ZNF160: variants seen among roughly 807,000 people sequenced by gnomAD.
The protein encoded by ZNF160 is zinc finger protein 160.
ZNF160 carries 9 observed loss-of-function variants against 13.1 expected under a neutral mutation model. That is an observed-to-expected ratio of 0.69 (90% CI 0.41 to 1.20). The LOEUF is 1.20. ZNF160 is among the 50% of genes most tolerant of loss of function. The pLI, the probability that ZNF160 is intolerant of heterozygous loss-of-function variation, is 0.01. For synonymous variants in ZNF160, 293 were observed against 333.2 expected (o/e 0.88, Z 1.31); for missense variants, 838 against 988.0 (o/e 0.85, Z 2.04).
intron 1 of ZNF160, among the ~76,000 whole-genome samples, chr19:53,102,914 G>A (rs1021797724): frequency 6.6e-6 from 1 of 152,132 alleles, no homozygotes; most frequent in Non-Finnish European, 1.5e-5. Flanking sequence ...CGAGGAGGAG[G>A]GAGGTGGGGG....
chr19:53,074,918 C>G, intron 4 of ZNF160, 139 bp downstream of exon 4: 1 of 1,141,158 alleles, frequency 8.8e-7, no homozygotes, highest in South Asian at 1.4e-5. Context: ...CCAGGTTTCC[C>G]ATGATTAAGC....
Position 53,069,852 on chromosome 19 carries a change from G to A in ZNF160, c.682C>T (p.Gln228Ter). The A allele has an allele frequency of 6.2e-7, 1 of 1,614,060 alleles. No homozygotes were observed. The highest frequency in any genetic ancestry group is 1.1e-5 in the South Asian group (1 of 91,066). Residue 228 changes from glutamine (Q) to a stop codon, truncating the protein, a stop_gained, in exon 6 of 6, where the codon CAA becomes TAA. Transcript: ENST00000683776. LOFTEE classifies it low-confidence loss of function (END_TRUNC). The surrounding 1 kb of genome is among the most constrained non-coding windows in gnomAD (Gnocchi z 4.4). ...SPLQQIPSSV[Q>*]THRSKKYHEL... ...TGATATTTTTTAGACCTGTGGGTTT[G>A]GACACTAGAAGGAATTTGTTGAAGT...
In ZNF160 at chr19:53,068,532, T is replaced by A. The variant is rs774094522; in HGVS notation, c.2002A>T (p.Lys668Ter). Residue 668 changes from lysine to a stop codon, truncating the protein, a stop_gained, in exon 6 of 6, where the codon AAG (lysine) becomes TAG (stop). Transcript: ENST00000683776. LOFTEE classifies it low-confidence loss of function (END_TRUNC). Reference protein sequence around the residue: ...FSMHSNLTTHKVIHTGEKPYK... With the variant: ...FSMHSNLTTH ...GGCTTCTCTCCAGTATGGATGACCT[T>A]ATGGGTAGTTAGGTTTGAATGCATA... 6.2e-7 allele frequency: 1 copy of A among 1,613,590 alleles called. No homozygotes were observed. Among genetic ancestry groups the A allele is most frequent in the African/African-American group, 1.3e-5 (1 of 74,898 alleles).
chr19:53,067,694 T>C lies in ZNF160; in HGVS notation c.*383A>G, dbSNP rs908292049. On this transcript the variant is annotated 3_prime_UTR_variant, in exon 6 of 6. Transcript: ENST00000683776. ...TCCTGCAACCTTTTCGTATGTGAGT[T>C]AAAAATATATAATTTTTAGCATATT... 6.0e-6 allele frequency: 1 copy of C among 166,456 alleles called. No individual in the cohort carries two copies. The highest frequency in any genetic ancestry group is 2.4e-5 in the African/African-American group (1 of 41,974). The allele number at this position is 166,456 out of a possible 1,614,324, so 10.3% of individuals were successfully genotyped here. A position where few individuals can be genotyped will look rare whatever the true frequency, so the allele number is the denominator to read the frequency against.
intron 1 of ZNF160, among the ~76,000 whole-genome samples, chr19:53,098,131 CA>C (rs1260703892): frequency 1.3e-5 from 2 of 152,196 alleles, no homozygotes; most frequent in Non-Finnish European, 2.9e-5. Context: ...AATGATCCTG[CA>C]GCCCCACAAC....
chr19:53,071,319 G>A (rs1340982419), intron 5 of ZNF160, among the ~76,000 whole-genome samples: 1 of 152,096 alleles, frequency 6.6e-6, no homozygotes, highest in African/African-American at 2.4e-5. Context: ...GGGAGGCCGA[G>A]GCGGGTGGAT....
chr19:53,078,912 A>G (rs1449943303), intron 3 of ZNF160, among the ~76,000 whole-genome samples: 3 of 152,206 alleles, frequency 2.0e-5, no homozygotes, highest in African/African-American at 7.2e-5. Flanking sequence ...ACAATTCCAA[A>G]TAAGTGAAGA....
chr19:53,099,459 G>T (rs558540318), intron 1 of ZNF160, among the ~76,000 whole-genome samples: 43 of 152,356 alleles, frequency 2.8e-4, no homozygotes, highest in Admixed American at 3.9e-4. Context: ...TGGAGCCACA[G>T]TGAGGAGTTG....
intron 3 of ZNF160, among the ~76,000 whole-genome samples, chr19:53,076,621 A>T (rs764291050): frequency 6.6e-6 from 1 of 152,190 alleles, no homozygotes; most frequent in Non-Finnish European, 1.5e-5. Context: ...CCTGGGTGAC[A>T]GAGTGAGACT....
chr19:53,070,239 T>C lies in ZNF160; in HGVS notation c.295A>G (p.Lys99Glu). The stretch of plus-strand genomic sequence containing the variant: ...CTCTTCTCTTTTGGTAGCAAATCCT[T>C]GATTGTACATTTAGGAGGGATATCT... ...VTDIPPKCTI[K>E]DLLPKEKSST... The change falls in exon 6 of 6, where the codon AAG (lysine) becomes GAG (glutamate). Residue 99 changes from lysine (K) to glutamate (E), a missense_variant. Physicochemically the swap from Lys to Glu is moderately conservative, Grantham distance 56. Coordinates refer to ENST00000683776, the MANE Select transcript of ZNF160 (RefSeq NM_001322131.2). The C allele has an allele frequency of 6.2e-7, 1 of 1,602,772 alleles. No individual in the cohort carries two copies. The highest frequency in any genetic ancestry group is 8.5e-7 in the Non-Finnish European group (1 of 1,175,568).
chr19:53,085,964 CCT>C (rs2084814249), intron 3 of ZNF160: 2 of 1,242,456 alleles, frequency 1.6e-6, no homozygotes, highest in East Asian at 5.1e-5. Flanking sequence ...AGATGCGGCC[CCT>C]GAGCAATCCC....
At chr19:53,085,193 G>A in intron 3 of ZNF160, 1 of 985,386 alleles carries the variant, frequency 1.0e-6, no homozygotes, top group Non-Finnish European at 1.2e-6. Flanking sequence ...CTCCAACAAG[G>A]ATGTAGAAAA....
Position 53,074,150 on chromosome 19 carries a change from G to C in ZNF160, c.261C>G (p.Gly87=), listed in dbSNP as rs753909984. The C allele has an allele frequency of 6.2e-7, 1 of 1,613,848 alleles. No individual in the cohort carries two copies. Among genetic ancestry groups the C allele is most frequent in the South Asian group, 1.1e-5 (1 of 91,074 alleles). The change falls in exon 5 of 6, where the codon GGC becomes GGG. Residue 87 remains glycine (G), a synonymous_variant. Transcript: ENST00000683776. ...RKPRTPECVK[G]VVTDIPPKCT... The stretch of plus-strand genomic sequence containing the variant: ...CATCTGAGCTCTTACCTGTGACCAC[G>C]CCTTTGACACATTCCGGCGTTCTTG...
At chr19:53,077,656 G>A (rs1424101036) in intron 3 of ZNF160, among the ~76,000 whole-genome samples, 58 of 124,656 alleles carry the variant, frequency 4.7e-4, no homozygotes, top group Middle Eastern at 6.0e-3. Context: ...GTGACAGAGT[G>A]AGACTCCATC....
chr19:53,095,408 C>T (rs2085195563), intron 1 of ZNF160: 1 of 151,770 alleles, frequency 6.6e-6, no homozygotes, highest in South Asian at 2.1e-4. Flanking sequence ...CCTGTCCAAC[C>T]ACACTCGGAA....
At chr19:53,089,801 C>G (rs574470399) in intron 2 of ZNF160, among the ~76,000 whole-genome samples, 1 of 151,960 alleles carries the variant, frequency 6.6e-6, no homozygotes. Flanking sequence ...ATCTCATCCT[C>G]ACCTTCCCTC....
chr19:53,089,597 T>C (rs921819400), intron 2 of ZNF160, among the ~76,000 whole-genome samples: 6 of 152,308 alleles, frequency 3.9e-5, no homozygotes, highest in Non-Finnish European at 8.8e-5. Context: ...ATAAAATGCA[T>C]AGCCTTATAG....
Position 53,069,267 on chromosome 19 carries a change from T to C in ZNF160, c.1267A>G (p.Lys423Glu), listed in dbSNP as rs1191314234. Residue 423 changes from lysine to glutamate, a missense_variant, in exon 6 of 6, where the codon AAA becomes GAA. Around this residue, in one of 3 missense-constraint regions of ZNF160, gnomAD observed 400 missense variants for 538.9 expected, o/e 0.74. Transcript: ENST00000683776. This position sits in a 1 kb window ranked among gnomAD's most constrained non-coding sequence, Gnocchi z 4.4. ...AIHQTIHTGE[K>E]PYKCNECGKV... is the part of the protein sequence containing the mutation. Reference sequence around the variant, plus strand: ...CCACATTCATTACATTTGTAAGGTTTTTCTCCAGTGTGGATTGTCTGATGG... The same window carrying C: ...CCACATTCATTACATTTGTAAGGTTCTTCTCCAGTGTGGATTGTCTGATGG... The C allele has an allele frequency of 6.2e-7, 1 of 1,612,348 alleles. No homozygotes were observed.
chr19:53,076,606 T>C (rs1046708001), intron 3 of ZNF160, among the ~76,000 whole-genome samples: 6 of 152,148 alleles, frequency 3.9e-5, no homozygotes, highest in African/African-American at 1.4e-4. Context: ...GCCACTGCAC[T>C]CCAGCCTGGG....
Sources: allele counts gnomAD v4.1 joint callset (sites outside exome capture counted in the v4.1 genomes callset), GRCh38; gene constraint gnomAD v4.1.1; regional missense constraint gnomAD v4.1.1; non-coding constraint Gnocchi (gnomAD v3.1); transcripts MANE v1.5; gene names NCBI Gene and HGNC (gene_info 2026-07-23, HGNC 2026-07-21).